Variants in SPHKAP observed in about 807,000 individuals in gnomAD.
SPHKAP encodes the protein SPHK1 interactor, AKAP domain containing.
SPHKAP carries 67 observed loss-of-function variants against 137.5 expected under a neutral mutation model. The observed-to-expected ratio is 0.49, with a 90% CI of 0.40 to 0.60. The LOEUF (loss-of-function observed/expected upper bound fraction) is 0.60, where lower values mean the gene tolerates loss of function less well. Among genes scored for constraint, SPHKAP ranks in the 20% least tolerant of loss-of-function variants. The probability of loss-of-function intolerance (pLI) is 0.00; values close to 1 mark genes in which losing one functional copy is unlikely to be tolerated. For missense variants in SPHKAP, 2,097 were observed against 2,069.3 expected, an observed-to-expected ratio of 1.01 and a Z score of -0.26; for synonymous variants, 813 against 785.3, an observed-to-expected ratio of 1.04 and a Z score of -0.59.
intron 3 of SPHKAP, among the ~76,000 whole-genome samples, chr2:228,032,500 G>A (rs1407654701): frequency 1.3e-5 from 2 of 152,246 alleles, no homozygotes; most frequent in South Asian, 2.1e-4. Flanking sequence ...AGCAAGGCAG[G>A]CAAACATTCA....
intron 2 of SPHKAP, among the ~76,000 whole-genome samples, chr2:228,122,689 C>A (rs2106364667): frequency 6.6e-6 from 1 of 152,286 alleles, no homozygotes; most frequent in East Asian, 1.9e-4. Flanking sequence ...CATTCTTGAC[C>A]TGCTTTTGCT....
At chr2:228,064,690 A>G (rs1696769240) in intron 3 of SPHKAP, among the ~76,000 whole-genome samples, 1 of 152,052 alleles carries the variant, frequency 6.6e-6, no homozygotes, top group African/African-American at 2.4e-5. Flanking sequence ...TCAGGAAGAG[A>G]GGAGAGGCTA....
intron 3 of SPHKAP, among the ~76,000 whole-genome samples, chr2:228,055,127 A>T (rs1163555921): frequency 3.7e-5 from 4 of 108,398 alleles, no homozygotes; most frequent in African/African-American, 1.4e-4. Flanking sequence ...GGGCAAAAAG[A>T]GTGAAACTCC....
intron 7 of SPHKAP, among the ~76,000 whole-genome samples, chr2:228,009,182 TA>T (rs1376508611): frequency 6.6e-6 from 1 of 152,230 alleles, no homozygotes; most frequent in Non-Finnish European, 1.5e-5. Flanking sequence ...CAGCATAGTA[TA>T]GTTGTCATAC....
chr2:228,034,991 C>T (rs1695527686), intron 3 of SPHKAP, among the ~76,000 whole-genome samples: 1 of 150,890 alleles, frequency 6.6e-6, no homozygotes, highest in Non-Finnish European at 1.5e-5. Flanking sequence ...TGCCCTCTCT[C>T]ACCACTCCTA....
intron 3 of SPHKAP, among the ~76,000 whole-genome samples, chr2:228,078,780 G>C (rs1325035948): frequency 1.3e-5 from 2 of 152,186 alleles, no homozygotes; most frequent in Non-Finnish European, 2.9e-5. Flanking sequence ...AGGCAGCATA[G>C]AGTGGAGAGA....
chr2:227,999,466 A>G (rs1693766261), intron 7 of SPHKAP, among the ~76,000 whole-genome samples: 1 of 152,216 alleles, frequency 6.6e-6, no homozygotes, highest in African/African-American at 2.4e-5. Flanking sequence ...TACAAAGGAG[A>G]AGATTCCCAA....
intron 11 of SPHKAP, among the ~76,000 whole-genome samples, chr2:227,987,192 C>T (rs1693244453): frequency 6.6e-6 from 1 of 152,196 alleles, no homozygotes; most frequent in East Asian, 1.9e-4. Context: ...GTGATCAGGT[C>T]CTAGAAGGGA....
chr2:228,125,417 T>A (rs1330731810), intron 2 of SPHKAP, among the ~76,000 whole-genome samples: 1 of 152,224 alleles, frequency 6.6e-6, no homozygotes, highest in Non-Finnish European at 1.5e-5. Context: ...TTATTTAGAA[T>A]GAACTAATAT....
At chr2:228,178,605 G>A (rs1357185421) in intron 1 of SPHKAP, among the ~76,000 whole-genome samples, 1 of 151,788 alleles carries the variant, frequency 6.6e-6, no homozygotes, top group Non-Finnish European at 1.5e-5. Flanking sequence ...CCATAAAATA[G>A]ATGACTAAAG....
intron 2 of SPHKAP, among the ~76,000 whole-genome samples, chr2:228,112,865 G>A (rs1299734488): frequency 6.6e-6 from 1 of 152,080 alleles, no homozygotes; most frequent in East Asian, 1.9e-4. Flanking sequence ...TAGAAGTGAG[G>A]AAAATGTGAA....
intron 2 of SPHKAP, among the ~76,000 whole-genome samples, chr2:228,113,604 TC>T (rs1168325095): frequency 1.6e-4 from 2 of 12,430 alleles, no homozygotes; most frequent in Non-Finnish European, 1.3e-4. Context: ...CATTTAGCCA[TC>T]TCTCTCTCTC....
chr2:228,015,060 T>A (rs1694519512), intron 7 of SPHKAP, among the ~76,000 whole-genome samples: 1 of 143,162 alleles, frequency 7.0e-6, no homozygotes, highest in Non-Finnish European at 1.5e-5. Context: ...CCTAATGCTA[T>A]CCCTCCCCCT....
intron 3 of SPHKAP, among the ~76,000 whole-genome samples, chr2:228,039,306 T>A (rs1289473429): frequency 6.6e-6 from 1 of 152,230 alleles, no homozygotes; most frequent in Non-Finnish European, 1.5e-5. Context: ...ATCACTATTA[T>A]GGTTTTTAAA....
chr2:228,164,353 G>A (rs1297474956), intron 1 of SPHKAP, among the ~76,000 whole-genome samples: 1 of 152,034 alleles, frequency 6.6e-6, no homozygotes, highest in African/African-American at 2.4e-5. Flanking sequence ...TCCTATTGTG[G>A]GCCTTTGCCT....
intron 11 of SPHKAP, among the ~76,000 whole-genome samples, chr2:227,985,603 A>G (rs1473353875): frequency 6.6e-6 from 1 of 152,134 alleles, no homozygotes; most frequent in East Asian, 1.9e-4. Flanking sequence ...CCATTTCACA[A>G]TCAGTAATAA....
chr2:228,016,796 G>A lies in SPHKAP; in HGVS notation c.4058C>T (p.Ala1353Val), dbSNP rs754044724. ...AGTTGGCCCACTGCACATCCTGCTC[G>A]CAGCTAATCTATTTGCACACTTCTC... The part of the protein sequence containing the change: ...QAEKCANRLA[A>V]SRMCSGPTLL... Residue 1353 changes from alanine (A) to valine (V), a missense_variant, in exon 7 of 12, where the codon GCG becomes GTG. Transcript: ENST00000392056. The A allele has an allele frequency of 4.3e-6, 7 of 1,613,850 alleles. No individual in the cohort carries two copies. Among genetic ancestry groups the A allele is most frequent in the Middle Eastern group, 3.3e-4 (2 of 6,084 alleles).
In SPHKAP at chr2:228,021,778, G is replaced by C. The variant is rs1352896599; in HGVS notation, c.630C>G (p.Ile210Met). Residue 210 changes from isoleucine to methionine, a missense_variant, in exon 6 of 12, where the codon ATC becomes ATG. Coordinates refer to ENST00000392056, the MANE Select transcript of SPHKAP (RefSeq NM_001142644.2). Reference sequence around the variant, plus strand: ...CAGAAGCGGTGAGAAAGTCTTCCTCGATTGAAGATAAGGAACAGTTCGTGT... The same window carrying C: ...CAGAAGCGGTGAGAAAGTCTTCCTCCATTGAAGATAAGGAACAGTTCGTGT... ...EDDTNCSLSS[I>M]EEDFLTASEH... The C allele has an allele frequency of 2.5e-6, 4 of 1,613,982 alleles. No homozygotes were observed. Among genetic ancestry groups the C allele is most frequent in the Non-Finnish European group, 3.4e-6 (4 of 1,180,002 alleles).
At chr2:228,000,817 T>C (rs969503065) in intron 7 of SPHKAP, among the ~76,000 whole-genome samples, 4 of 152,174 alleles carry the variant, frequency 2.6e-5, no homozygotes, top group Admixed American at 2.6e-4. Context: ...CTTCTAAGTT[T>C]TGGCAATTCT....
Sources: allele counts gnomAD v4.1 joint callset (sites outside exome capture counted in the v4.1 genomes callset), GRCh38; gene constraint gnomAD v4.1.1; transcripts MANE v1.5; gene names NCBI Gene and HGNC (gene_info 2026-07-23, HGNC 2026-07-21).